RAD51B: variants seen among roughly 807,000 people sequenced by gnomAD.
The protein encoded by RAD51B is RAD51 paralog B.
A neutral mutation model predicts 42.2 loss-of-function variants in RAD51B; 38 were observed. The observed-to-expected ratio is 0.90, with a 90% confidence interval of 0.70 to 1.18. The LOEUF is 1.18. RAD51B is among the 50% of genes most tolerant of loss of function. RAD51B has a pLI of 0.00. For synonymous variants in RAD51B, 154 were observed against 145.2 expected (o/e 1.06, Z -0.43); for missense variants, 373 against 400.7 (o/e 0.93, Z 0.59).
chr14:67,823,221 C>CATTTTA (rs1452048759), intron 1 of RAD51B, among the ~76,000 whole-genome samples: 2 of 152,144 alleles, frequency 1.3e-5, no homozygotes, highest in Non-Finnish European at 2.9e-5. Context: ...ATGCATTGAA[C>CATTTTA]ATTTTAAGAT....
intron 7 of RAD51B, among the ~76,000 whole-genome samples, chr14:68,146,827 G>T (rs1157112316): frequency 6.6e-6 from 1 of 152,134 alleles, no homozygotes; most frequent in Non-Finnish European, 1.5e-5. Context: ...GCAGTGTTGG[G>T]AGGGGGTGTT....
At chr14:68,114,449 A>G (rs951978260) in intron 7 of RAD51B, among the ~76,000 whole-genome samples, 14 of 152,064 alleles carry the variant, frequency 9.2e-5, no homozygotes, top group African/African-American at 3.1e-4. Flanking sequence ...TTTCAATTGA[A>G]GTTTTTGAGG....
chr14:68,030,025 A>G (rs1460514300), intron 7 of RAD51B, among the ~76,000 whole-genome samples: 1 of 152,224 alleles, frequency 6.6e-6, no homozygotes, highest in Non-Finnish European at 1.5e-5. Context: ...AGTAAGTCTC[A>G]ACACTGGACT....
intron 7 of RAD51B, among the ~76,000 whole-genome samples, chr14:67,935,619 G>A (rs1169842771): frequency 6.6e-6 from 1 of 152,118 alleles, no homozygotes; most frequent in Non-Finnish European, 1.5e-5. Flanking sequence ...CTCCTGCTTT[G>A]GCCTCCCAAA....
At chr14:68,135,354 A>AT (rs2077986734) in intron 7 of RAD51B, among the ~76,000 whole-genome samples, 1 of 152,212 alleles carries the variant, frequency 6.6e-6, no homozygotes, top group Non-Finnish European at 1.5e-5. Context: ...AATCCCAACC[A>AT]TATTAGACAG....
At chr14:68,319,687 C>G (rs1369008954) in intron 8 of RAD51B, among the ~76,000 whole-genome samples, 1 of 152,158 alleles carries the variant, frequency 6.6e-6, no homozygotes, top group Non-Finnish European at 1.5e-5. Flanking sequence ...CTCAGAGGAT[C>G]AGGTCAGAAT....
intron 8 of RAD51B, among the ~76,000 whole-genome samples, chr14:68,327,281 G>A (rs1036061404): frequency 2.0e-5 from 3 of 151,666 alleles, no homozygotes; most frequent in East Asian, 1.9e-4. Flanking sequence ...TTGACCTCCC[G>A]CCACATTTTT....
chr14:68,177,081 G>A (rs2588814), intron 7 of RAD51B, among the ~76,000 whole-genome samples: 132,688 of 152,260 alleles, frequency 0.87, 58,060 homozygotes, highest in East Asian at 0.98. Flanking sequence ...GAAAGGTAAT[G>A]TTGGACTAAG....
intron 8 of RAD51B, among the ~76,000 whole-genome samples, chr14:68,402,410 G>A (rs1246266423): frequency 6.6e-6 from 1 of 152,178 alleles, no homozygotes; most frequent in East Asian, 1.9e-4. Context: ...CAGGGGCCTA[G>A]TTTTAAACAG....
At chr14:68,443,855 A>C (rs1279199579) in intron 9 of RAD51B, among the ~76,000 whole-genome samples, 1 of 151,932 alleles carries the variant, frequency 6.6e-6, no homozygotes, top group Non-Finnish European at 1.5e-5. Flanking sequence ...AAAAAAAAAC[A>C]AAACTTTCTG....
At chr14:68,076,644 G>T (rs1384018870) in intron 7 of RAD51B, among the ~76,000 whole-genome samples, 2 of 152,128 alleles carry the variant, frequency 1.3e-5, no homozygotes, top group Admixed American at 1.3e-4. Flanking sequence ...GGTTGTCAAA[G>T]AAATTCCTGA....
chr14:67,946,352 C>CTTT (rs201862167), intron 7 of RAD51B, among the ~76,000 whole-genome samples: 4 of 151,494 alleles, frequency 2.6e-5, no homozygotes, highest in African/African-American at 7.3e-5. Context: ...AATAGTTCCT[C>CTTT]TTTTTTGTTG....
chr14:68,233,651 A>G (rs765062819), intron 7 of RAD51B, among the ~76,000 whole-genome samples: 2 of 152,216 alleles, frequency 1.3e-5, no homozygotes, highest in Non-Finnish European at 2.9e-5. Context: ...GAGGAAACAC[A>G]GAAGCAGCAG....
chr14:68,284,934 G>A (rs1197416918), intron 7 of RAD51B, among the ~76,000 whole-genome samples: 8 of 152,316 alleles, frequency 5.3e-5, no homozygotes, highest in African/African-American at 1.7e-4. Flanking sequence ...AGAGGCATGC[G>A]TCTGGGAGCG....
chr14:68,114,554 C>G (rs934793991), intron 7 of RAD51B, among the ~76,000 whole-genome samples: 2 of 152,060 alleles, frequency 1.3e-5, no homozygotes, highest in Non-Finnish European at 2.9e-5. Context: ...AAAATTGTTA[C>G]AGCAAGAATA....
chr14:67,893,898 C>A (rs1009253603), intron 7 of RAD51B, among the ~76,000 whole-genome samples: 2 of 152,148 alleles, frequency 1.3e-5, no homozygotes, highest in Non-Finnish European at 1.5e-5. Context: ...TCAGCACATC[C>A]TCTTGGCTCC....
At chr14:68,669,372 G>A (rs911961384) in intron 11 of RAD51B, among the ~76,000 whole-genome samples, 3 of 152,170 alleles carry the variant, frequency 2.0e-5, no homozygotes, top group Non-Finnish European at 4.4e-5. Context: ...TCCAGAGCAC[G>A]TAGGCCACAT....
At chr14:68,301,127 A>AT (rs970591664) in intron 8 of RAD51B, among the ~76,000 whole-genome samples, 4 of 151,994 alleles carry the variant, frequency 2.6e-5, no homozygotes, top group Non-Finnish European at 2.9e-5. Context: ...TATGATGTTG[A>AT]TTTTTTTTAA....
chr14:68,603,210 T>C (rs1891295598), intron 10 of RAD51B, among the ~76,000 whole-genome samples: 1 of 152,246 alleles, frequency 6.6e-6, no homozygotes. Flanking sequence ...TGTGGGTTAA[T>C]TTTATTCTCT....
Sources: gnomAD v4.1 joint callset for allele counts (sites outside exome capture counted in the v4.1 genomes callset) on GRCh38, gnomAD v4.1.1 for gene constraint, MANE v1.5 for transcripts, NCBI Gene and HGNC (gene_info 2026-07-23, HGNC 2026-07-21) for gene names.